PTBP2: variants seen among roughly 807,000 people sequenced by gnomAD.
PTBP2 encodes polypyrimidine tract-binding protein 2.
Under a neutral mutation model 61.4 loss-of-function variants are expected in PTBP2, and 13 were observed. The ratio of observed to expected loss-of-function variants is 0.21; its 90% CI spans 0.14 to 0.34. PTBP2 has a LOEUF of 0.34. PTBP2 is among the 10% of genes least tolerant of loss of function. The pLI, the probability that PTBP2 is intolerant of heterozygous loss-of-function variation, is 1.00. For synonymous variants in PTBP2, 215 were observed against 218.5 expected, an observed-to-expected ratio of 0.98 and a Z score of 0.14; for missense variants, 405 against 642.6, an observed-to-expected ratio of 0.63 and a Z score of 4.00.
chr1:96,722,535 G>C (rs1649757349), intron 1 of PTBP2, among the ~76,000 whole-genome samples: 1 of 151,254 alleles, frequency 6.6e-6, no homozygotes, highest in African/African-American at 2.4e-5. Context: ...CGGGAGGGAG[G>C]AAAAAATGCC....
intron 7 of PTBP2, among the ~76,000 whole-genome samples, chr1:96,779,578 A>G (rs1414658381): frequency 6.6e-6 from 1 of 152,092 alleles, no homozygotes; most frequent in African/African-American, 2.4e-5. Context: ...GATACTAAGC[A>G]TCCAACTATG....
chr1:96,772,098 C>T (rs569869151), intron 5 of PTBP2, among the ~76,000 whole-genome samples: 91 of 152,138 alleles, frequency 6.0e-4, no homozygotes, highest in African/African-American at 2.0e-3. Flanking sequence ...GTTGAGGGCT[C>T]AGTCCCACAA....
chr1:96,803,090 T>C lies in PTBP2; in HGVS notation c.905-1710T>C, dbSNP rs149416634. Among the ~76,000 whole-genome samples the C allele has an allele frequency of 1.2e-3, 185 of 152,254 alleles. No homozygotes were observed. In the Middle Eastern group the frequency reaches 0.014, roughly 11 times the overall value. On this transcript the variant is annotated intron_variant, in intron 8 of 13. Coordinates refer to ENST00000674951, the MANE Select transcript of PTBP2 (RefSeq NM_021190.4). ...AACTTATGGGGAGGATAGTGAGAGG[T>C]ATAGTATTTAACATGGAAAAGTTAG...
chr1:96,797,070 G>T (rs1178852717), intron 8 of PTBP2, among the ~76,000 whole-genome samples: 1 of 152,208 alleles, frequency 6.6e-6, no homozygotes, highest in Non-Finnish European at 1.5e-5. Context: ...GCCAGGTGCT[G>T]AAGTCTTTAT....
At chr1:96,762,714 G>A (rs895055969) in intron 3 of PTBP2, among the ~76,000 whole-genome samples, 5 of 150,838 alleles carry the variant, frequency 3.3e-5, no homozygotes, top group East Asian at 2.0e-4. Context: ...CTGGCCTGGC[G>A]GGGGCTGACC....
intron 7 of PTBP2, among the ~76,000 whole-genome samples, chr1:96,779,678 A>G (rs1658434014): frequency 6.6e-6 from 1 of 152,098 alleles, no homozygotes; most frequent in Non-Finnish European, 1.5e-5. Flanking sequence ...TTGTTTTACT[A>G]AGTACTTATT....
At chr1:96,742,730 A>G (rs1008743804) in intron 2 of PTBP2, among the ~76,000 whole-genome samples, 2 of 149,794 alleles carry the variant, frequency 1.3e-5, no homozygotes, top group African/African-American at 4.9e-5. Context: ...GTTTTAAGCT[A>G]CACAAAAGTA....
chr1:96,772,633 C>T (rs1428878284), intron 5 of PTBP2, among the ~76,000 whole-genome samples: 1 of 152,092 alleles, frequency 6.6e-6, no homozygotes, highest in Non-Finnish European at 1.5e-5. Context: ...GTGAGTTCAG[C>T]TTTTTTAGAT....
intron 11 of PTBP2, 55 bp from the exon 12 acceptor site, chr1:96,812,657 A>G (rs1316299603): frequency 2.3e-6 from 3 of 1,323,688 alleles, no homozygotes; most frequent in Admixed American, 2.1e-5. Flanking sequence ...TAAAAGAATT[A>G]TGTTTGTTTT....
downstream of PTBP2, chr1:96,816,258 A>G (rs984390693): frequency 2.0e-5 from 3 of 152,148 alleles, no homozygotes; most frequent in African/African-American, 7.2e-5. Context: ...ACATTCTAGA[A>G]TATTTTTAAT....
chr1:96,773,407 A>G (rs1172342413), intron 5 of PTBP2, among the ~76,000 whole-genome samples: 2 of 152,150 alleles, frequency 1.3e-5, no homozygotes, highest in Non-Finnish European at 2.9e-5. Context: ...TGCCTTAACA[A>G]CAGTACTTTG....
chr1:96,743,179 C>T (rs924657234), intron 2 of PTBP2, among the ~76,000 whole-genome samples: 7 of 151,072 alleles, frequency 4.6e-5, no homozygotes, highest in East Asian at 3.9e-4. Context: ...CCCAGCTACT[C>T]GGGAGGCTGA....
intron 3 of PTBP2, among the ~76,000 whole-genome samples, chr1:96,763,701 A>G (rs370878831): frequency 6.6e-6 from 1 of 152,060 alleles, no homozygotes; most frequent in Admixed American, 6.5e-5. Context: ...GAATCAATCT[A>G]ATCTTTTTGT....
chr1:96,783,427 C>T (rs1426177824), intron 7 of PTBP2, among the ~76,000 whole-genome samples: 2 of 152,000 alleles, frequency 1.3e-5, no homozygotes, highest in Non-Finnish European at 2.9e-5. Context: ...GGCTTTCTAA[C>T]AATTGGCATA....
At chr1:96,749,917 A>T (rs1489792844) in intron 2 of PTBP2, among the ~76,000 whole-genome samples, 1 of 152,174 alleles carries the variant, frequency 6.6e-6, no homozygotes, top group East Asian at 1.9e-4. Flanking sequence ...GTGGAAGCTG[A>T]GCTCCAGAGC....
chr1:96,759,080 C>T (rs995672074), intron 3 of PTBP2, among the ~76,000 whole-genome samples: 2 of 150,484 alleles, frequency 1.3e-5, no homozygotes, highest in East Asian at 2.0e-4. Flanking sequence ...AAAAATTTGA[C>T]AAAAGATATG....
chr1:96,763,715 G>A (rs1247321345), intron 3 of PTBP2, among the ~76,000 whole-genome samples: 2 of 152,002 alleles, frequency 1.3e-5, no homozygotes, highest in Non-Finnish European at 2.9e-5. Context: ...TTTTTGTAAT[G>A]ATGGCATAAA....
intron 2 of PTBP2, among the ~76,000 whole-genome samples, chr1:96,746,424 A>G (rs957158781): frequency 3.9e-5 from 6 of 152,096 alleles, no homozygotes; most frequent in African/African-American, 1.4e-4. Context: ...GAGGTCTTAC[A>G]TCTTTTTTCC....
chr1:96,765,191 T>C (rs1361439639), intron 3 of PTBP2, among the ~76,000 whole-genome samples: 2 of 152,170 alleles, frequency 1.3e-5, no homozygotes, highest in African/African-American at 4.8e-5. Flanking sequence ...CTAAAACTGC[T>C]TAGAATTAAA....
Sources: allele counts gnomAD v4.1 joint callset (sites outside exome capture counted in the v4.1 genomes callset), GRCh38; gene constraint gnomAD v4.1.1; transcripts MANE v1.5; gene names NCBI Gene and HGNC (gene_info 2026-07-23, HGNC 2026-07-21).